Variants in TAFA2 observed in about 807,000 individuals in gnomAD.
The protein encoded by TAFA2 is TAFA chemokine like family member 2.
Under a neutral mutation model 18.8 loss-of-function variants are expected in TAFA2, and 7 were observed. The ratio of observed to expected loss-of-function variants is 0.37; its 90% CI spans 0.21 to 0.70. TAFA2 has a LOEUF of 0.70. TAFA2 is among the 30% of genes least tolerant of loss of function. The probability of loss-of-function intolerance (pLI) is 0.53; values close to 1 mark genes in which losing one functional copy is unlikely to be tolerated. For synonymous variants in TAFA2, 60 were observed against 54.2 expected (o/e 1.11, Z -0.47); for missense variants, 122 against 158.1 (o/e 0.77, Z 1.23).
At chr12:62,115,467 C>T (rs1455646377) in intron 1 of TAFA2, among the ~76,000 whole-genome samples, 1 of 152,124 alleles carries the variant, frequency 6.6e-6, no homozygotes, top group Non-Finnish European at 1.5e-5. Flanking sequence ...GTTAGCAGTG[C>T]ACATCATGTC....
At chr12:62,200,379 T>C (rs1164682773) in intron 1 of TAFA2, among the ~76,000 whole-genome samples, 2 of 152,254 alleles carry the variant, frequency 1.3e-5, no homozygotes, top group South Asian at 2.1e-4. Context: ...AGGGTTTTTA[T>C]ATTTTTGGAC....
At chr12:61,727,672 TTTTG>T (rs2120634412) in intron 4 of TAFA2, among the ~76,000 whole-genome samples, 1 of 152,184 alleles carries the variant, frequency 6.6e-6, no homozygotes, top group East Asian at 1.9e-4. Flanking sequence ...AGAATCAGCT[TTTTG>T]TTTCACTTAA....
intron 1 of TAFA2, among the ~76,000 whole-genome samples, chr12:62,148,740 G>C (rs1042433437): frequency 1.3e-5 from 2 of 152,080 alleles, no homozygotes; most frequent in Non-Finnish European, 2.9e-5. Context: ...GAAATGTAGA[G>C]ACAAAGGGTT....
At chr12:61,900,536 G>A (rs539239550) in intron 1 of TAFA2, among the ~76,000 whole-genome samples, 129 of 152,292 alleles carry the variant, frequency 8.5e-4, no homozygotes, top group Non-Finnish European at 1.5e-3. Context: ...ACATACTGGA[G>A]GGGAAAGCAA....
intron 1 of TAFA2, among the ~76,000 whole-genome samples, chr12:61,954,719 A>C (rs1221685132): frequency 6.6e-6 from 1 of 152,142 alleles, no homozygotes. Flanking sequence ...TGCTTATTAC[A>C]ATGTTAAATT....
upstream of TAFA2, chr12:62,258,918 G>A (rs2062960717): frequency 5.6e-6 from 1 of 179,908 alleles, no homozygotes; most frequent in African/African-American, 2.4e-5. Context: ...AACCTGTCAG[G>A]AGAAAAGCCA....
chr12:61,838,233 GA>G (rs1873019044), intron 2 of TAFA2, among the ~76,000 whole-genome samples: 1 of 152,082 alleles, frequency 6.6e-6, no homozygotes, highest in South Asian at 2.1e-4. Context: ...GGCATAGACA[GA>G]AGGGGAATCC....
At chr12:62,158,375 C>A (rs1198942494) in intron 1 of TAFA2, among the ~76,000 whole-genome samples, 2 of 152,164 alleles carry the variant, frequency 1.3e-5, no homozygotes, top group African/African-American at 4.8e-5. Context: ...AAAACACATT[C>A]TTTTGGTACT....
At chr12:62,238,821 A>G (rs905350644) in intron 1 of TAFA2, among the ~76,000 whole-genome samples, 3 of 152,232 alleles carry the variant, frequency 2.0e-5, no homozygotes, top group African/African-American at 7.2e-5. Context: ...TATACAGTAT[A>G]TGGATACGTA....
intron 1 of TAFA2, among the ~76,000 whole-genome samples, chr12:61,996,332 T>G (rs1880187034): frequency 6.8e-6 from 1 of 146,886 alleles, no homozygotes; most frequent in Admixed American, 6.9e-5. Context: ...TTTCCCATCC[T>G]CCCACAACCC....
At chr12:61,937,199 G>A (rs1555177284) in intron 1 of TAFA2, among the ~76,000 whole-genome samples, 1 of 152,118 alleles carries the variant, frequency 6.6e-6, no homozygotes, top group Admixed American at 6.5e-5. Context: ...TGAATTGGAA[G>A]AATAAATATC....
At chr12:62,199,134 G>A (rs1223489373) in intron 1 of TAFA2, among the ~76,000 whole-genome samples, 1 of 152,174 alleles carries the variant, frequency 6.6e-6, no homozygotes, top group Non-Finnish European at 1.5e-5. Flanking sequence ...GTCATTATCT[G>A]ACAATTGGCT....
chr12:62,078,406 AGTATAATTGG>A (rs892901190), intron 1 of TAFA2, among the ~76,000 whole-genome samples: 1 of 113,034 alleles, frequency 8.8e-6, no homozygotes, highest in African/African-American at 3.4e-5. Flanking sequence ...TAAAACTTAA[AGTATAATTGG>A]AAAAAAAAAA....
intron 1 of TAFA2, among the ~76,000 whole-genome samples, chr12:62,224,082 TACAC>T (rs144010764): frequency 0.24 from 34,405 of 142,364 alleles, 4,033 homozygotes; most frequent in Middle Eastern, 0.27. Context: ...TATATGTGCA[TACAC>T]ACACACACAC....
chr12:62,084,736 A>C (rs1177271286), intron 1 of TAFA2, among the ~76,000 whole-genome samples: 4 of 152,206 alleles, frequency 2.6e-5, no homozygotes, highest in Non-Finnish European at 1.5e-5. Flanking sequence ...AACTTACAAT[A>C]GTGAGACTTC....
intron 1 of TAFA2, among the ~76,000 whole-genome samples, chr12:62,233,305 T>C (rs2062821341): frequency 1.3e-5 from 2 of 151,922 alleles, no homozygotes; most frequent in Admixed American, 6.6e-5. Context: ...GGACTCTAAC[T>C]TCTAACCTCA....
At chr12:62,092,566 T>C (rs1868763048) in intron 1 of TAFA2, among the ~76,000 whole-genome samples, 1 of 151,952 alleles carries the variant, frequency 6.6e-6, no homozygotes, top group African/African-American at 2.4e-5. Context: ...AATACCAAAC[T>C]CATCTGGTTT....
chr12:62,084,357 A>G (rs555327988), intron 1 of TAFA2, among the ~76,000 whole-genome samples: 1 of 152,306 alleles, frequency 6.6e-6, no homozygotes, highest in Non-Finnish European at 1.5e-5. Context: ...TTCTCTAATT[A>G]TAATAGTACA....
intron 4 of TAFA2, among the ~76,000 whole-genome samples, chr12:61,724,755 G>GTGTA (rs2120617004): frequency 2.3e-5 from 1 of 43,512 alleles, no homozygotes; most frequent in East Asian, 1.1e-3. Context: ...ATGTCTATGT[G>GTGTA]TGTGTGTGTG....
Sources: allele counts gnomAD v4.1 joint callset (sites outside exome capture counted in the v4.1 genomes callset), GRCh38; gene constraint gnomAD v4.1.1; transcripts MANE v1.5; gene names NCBI Gene and HGNC (gene_info 2026-07-23, HGNC 2026-07-21).